Variants in SLC9A9 observed in about 807,000 individuals in gnomAD.
SLC9A9 encodes the protein sodium/hydrogen exchanger 9.
In SLC9A9, 62 loss-of-function variants were observed where a neutral mutation model predicts 77.8. The observed-to-expected ratio is 0.80, with a 90% CI of 0.65 to 0.98. The LOEUF (loss-of-function observed/expected upper bound fraction) is 0.98, where lower values mean the gene tolerates loss of function less well. Among genes scored for constraint, SLC9A9 ranks in the 50% least tolerant of loss-of-function variants. SLC9A9 has a pLI of 0.00. For synonymous variants in SLC9A9, 320 were observed against 283.5 expected (o/e 1.13, Z -1.29); for missense variants, 775 against 774.9 (o/e 1.00, Z 0.00).
intron 14 of SLC9A9, among the ~76,000 whole-genome samples, chr3:143,336,025 T>C (rs989648826): frequency 6.6e-6 from 1 of 152,148 alleles, no homozygotes; most frequent in African/African-American, 2.4e-5. Context: ...AATGGAGTAA[T>C]ATTCAGACTA....
chr3:143,662,792 G>A (rs58441250), intron 5 of SLC9A9, among the ~76,000 whole-genome samples: 22,226 of 152,024 alleles, frequency 0.15, 2,383 homozygotes, highest in African/African-American at 0.31. Flanking sequence ...GGTAAACAAA[G>A]CAGCTGGGAA....
At chr3:143,466,391 T>C (rs1297458050) in intron 12 of SLC9A9, among the ~76,000 whole-genome samples, 1 of 152,254 alleles carries the variant, frequency 6.6e-6, no homozygotes, top group Non-Finnish European at 1.5e-5. Flanking sequence ...TTTTCACAAT[T>C]GACACCAGCT....
intron 4 of SLC9A9, among the ~76,000 whole-genome samples, chr3:143,712,922 T>C (rs1934235827): frequency 6.6e-6 from 1 of 152,194 alleles, no homozygotes; most frequent in Non-Finnish European, 1.5e-5. Flanking sequence ...TGGGAATTTA[T>C]GGGTGGTTTT....
intron 6 of SLC9A9, among the ~76,000 whole-genome samples, chr3:143,599,664 T>C (rs2037812581): frequency 6.6e-6 from 1 of 151,992 alleles, no homozygotes; most frequent in Non-Finnish European, 1.5e-5. Context: ...ACAAGCTTTA[T>C]GAGCAATAAG....
intron 2 of SLC9A9, among the ~76,000 whole-genome samples, chr3:143,801,537 G>A (rs889009725): frequency 1.3e-5 from 2 of 151,814 alleles, no homozygotes; most frequent in African/African-American, 4.8e-5. Context: ...ACATTATTCC[G>A]GATACCACAC....
intron 6 of SLC9A9, among the ~76,000 whole-genome samples, chr3:143,640,106 C>G (rs984818724): frequency 6.6e-6 from 1 of 150,528 alleles, no homozygotes. Flanking sequence ...ACTGCAAGCT[C>G]CACCTCCCGG....
chr3:143,681,457 A>C (rs1413972398), intron 5 of SLC9A9, among the ~76,000 whole-genome samples: 4 of 152,148 alleles, frequency 2.6e-5, no homozygotes, highest in Admixed American at 2.0e-4. Context: ...CTTTCATGGT[A>C]TATTCTGCCT....
chr3:143,565,269 C>G (rs1294562082), intron 8 of SLC9A9, among the ~76,000 whole-genome samples: 2 of 152,152 alleles, frequency 1.3e-5, no homozygotes, highest in Non-Finnish European at 2.9e-5. Context: ...ACATAAAAAA[C>G]CCGGGAATTA....
chr3:143,292,568 C>T (rs1229428975), intron 14 of SLC9A9, among the ~76,000 whole-genome samples: 1 of 151,982 alleles, frequency 6.6e-6, no homozygotes, highest in Non-Finnish European at 1.5e-5. Context: ...CTGAGCAGCC[C>T]CTGTAGCTGG....
At chr3:143,319,848 G>A (rs532072124) in intron 14 of SLC9A9, among the ~76,000 whole-genome samples, 34 of 152,348 alleles carry the variant, frequency 2.2e-4, no homozygotes, top group African/African-American at 7.5e-4. Context: ...GAAAGTCAAG[G>A]TCTGGTGGGA....
At chr3:143,488,925 A>G (rs2035696893) in intron 11 of SLC9A9, among the ~76,000 whole-genome samples, 1 of 151,982 alleles carries the variant, frequency 6.6e-6, no homozygotes. Flanking sequence ...AAAGGTATTC[A>G]AACTGAAAAA....
intron 6 of SLC9A9, among the ~76,000 whole-genome samples, chr3:143,599,653 G>A (rs1001280697): frequency 6.6e-5 from 10 of 151,910 alleles, no homozygotes; most frequent in South Asian, 4.2e-4. Flanking sequence ...GCTGACCACC[G>A]ACAAGCTTTA....
At chr3:143,657,388 G>A (rs139730745) in intron 5 of SLC9A9, among the ~76,000 whole-genome samples, 1 of 152,282 alleles carries the variant, frequency 6.6e-6, no homozygotes, top group East Asian at 1.9e-4. Flanking sequence ...TGATATGCAT[G>A]CACACACTTG....
intron 4 of SLC9A9, among the ~76,000 whole-genome samples, chr3:143,735,456 A>T (rs1375921889): frequency 6.6e-6 from 1 of 152,170 alleles, no homozygotes; most frequent in East Asian, 1.9e-4. Context: ...GTAATGTTGG[A>T]GATGAAGTCT....
intron 4 of SLC9A9, among the ~76,000 whole-genome samples, chr3:143,704,805 C>A (rs879345602): frequency 6.6e-6 from 1 of 151,986 alleles, no homozygotes; most frequent in African/African-American, 2.4e-5. Context: ...CCAGCCTGAC[C>A]AACATGGAGA....
intron 8 of SLC9A9, among the ~76,000 whole-genome samples, chr3:143,560,780 G>C (rs2037071062): frequency 6.7e-6 from 1 of 150,372 alleles, no homozygotes. Flanking sequence ...AATGTTATAA[G>C]GCTGTCATAT....
intron 2 of SLC9A9, among the ~76,000 whole-genome samples, chr3:143,826,562 C>T (rs918579805): frequency 6.6e-6 from 1 of 152,170 alleles, no homozygotes; most frequent in African/African-American, 2.4e-5. Context: ...TTGCTTTTGT[C>T]AACATTACAC....
intron 12 of SLC9A9, among the ~76,000 whole-genome samples, chr3:143,411,192 G>A (rs773521796): frequency 6.6e-6 from 1 of 152,122 alleles, no homozygotes; most frequent in Non-Finnish European, 1.5e-5. Flanking sequence ...TCTATCAGAA[G>A]GTCTGTAAGA....
At chr3:143,453,860 A>G (rs1309103625) in intron 12 of SLC9A9, among the ~76,000 whole-genome samples, 3 of 152,124 alleles carry the variant, frequency 2.0e-5, no homozygotes, top group African/African-American at 7.2e-5. Flanking sequence ...TTAATCCCCA[A>G]TGCAACAATA....
Sources: gnomAD v4.1 joint callset for allele counts (sites outside exome capture counted in the v4.1 genomes callset) on GRCh38, gnomAD v4.1.1 for gene constraint, MANE v1.5 for transcripts, NCBI Gene and HGNC (gene_info 2026-07-23, HGNC 2026-07-21) for gene names.